Variants in FNDC8 observed in about 807,000 individuals in gnomAD.
FNDC8 encodes fibronectin type III domain-containing protein 8.
FNDC8 carries 23 observed loss-of-function variants against 24.8 expected under a neutral mutation model. The ratio of observed to expected loss-of-function variants is 0.93; its 90% CI spans 0.67 to 1.31. The LOEUF is 1.31. Among genes scored for constraint, FNDC8 ranks in the 40% most tolerant of loss-of-function variants. The pLI, the probability that FNDC8 is intolerant of heterozygous loss-of-function variation, is 0.00. For missense variants in FNDC8, 371 were observed against 398.2 expected (o/e 0.93, Z 0.58); for synonymous variants, 158 against 165.3 (o/e 0.96, Z 0.34).
chr17:35,127,454 A>T, intron 2 of FNDC8, 37 bp downstream of exon 2: 1 of 1,510,758 alleles, frequency 6.6e-7, no homozygotes, highest in Non-Finnish European at 8.8e-7. Flanking sequence ...GCAGAGGCTT[A>T]TTGTGCCAGG....
Position 35,127,180 on chromosome 17 carries a change from G to A in FNDC8, c.348G>A (p.Gly116=). ...NSSFFAGMLE[G]ELNKLSFSPM... Reference sequence around the variant, plus strand: ...GCTTCTTTGCAGGGATGCTGGAGGGGGAGCTGAACAAACTCAGCTTCTCCC... The same window carrying A: ...GCTTCTTTGCAGGGATGCTGGAGGGAGAGCTGAACAAACTCAGCTTCTCCC... The change falls in exon 2 of 4, where the codon GGG becomes GGA. Residue 116 remains glycine (G), a synonymous_variant. Coordinates refer to ENST00000158009, the MANE Select transcript of FNDC8 (RefSeq NM_017559.4). 6.2e-7 allele frequency: 1 copy of A among 1,614,162 alleles called. No homozygotes were observed. Among genetic ancestry groups the A allele is most frequent in the Non-Finnish European group, 8.5e-7 (1 of 1,180,026 alleles).
chr17:35,123,623 A>T (rs2091838575), intron 1 of FNDC8, among the ~76,000 whole-genome samples: 1 of 152,178 alleles, frequency 6.6e-6, no homozygotes, highest in Admixed American at 6.5e-5. Context: ...CTGTTGTCCC[A>T]GCTACTCAAG....
At chr17:35,125,058 A>G (rs1229958287) in intron 1 of FNDC8, among the ~76,000 whole-genome samples, 17 of 151,876 alleles carry the variant, frequency 1.1e-4, no homozygotes, top group Non-Finnish European at 1.8e-4. Context: ...AAAAAAAAAA[A>G]AAAAGAAAAA....
chr17:35,122,471 C>T (rs1245791426), intron 1 of FNDC8, among the ~76,000 whole-genome samples: 1 of 151,640 alleles, frequency 6.6e-6, no homozygotes, highest in African/African-American at 2.4e-5. Flanking sequence ...TTTATGTATT[C>T]CTGAGCCCCA....
rs778617059 is a variant in FNDC8, at chr17:35,129,504, ATG to A, written c.669_670del (p.Asn223LysfsTer28). ...CAGGAGGTGGCCAAGACACAGGAGA[ATG>A]AGTTGCCCGAGGCAAAGAATCGTCC... On this transcript the variant is annotated frameshift_variant, in exon 3 of 4. Coordinates refer to ENST00000158009, the MANE Select transcript of FNDC8 (RefSeq NM_017559.4). LOFTEE classifies it high-confidence loss of function. The A allele has an allele frequency of 1.3e-5, 21 of 1,614,080 alleles. No individual in the cohort carries two copies. Among genetic ancestry groups the A allele is most frequent in the Non-Finnish European group, 1.7e-5 (20 of 1,180,030 alleles).
rs183684897 is a variant in FNDC8, at chr17:35,122,321, C to T, written c.209+419C>T. On this transcript the variant is annotated intron_variant, in intron 1 of 3. Transcript: ENST00000158009. ...CCTCCCACAGTGTTGGGATTATAGG[C>T]TTGAGCCACCATGCCTATAGTTTCT... is the stretch of plus-strand genomic sequence containing the variant. 4.0e-5 allele frequency among the ~76,000 whole-genome samples: 6 copies of T among 150,070 alleles called. No homozygotes were observed. In the East Asian group the frequency reaches 9.9e-4, roughly 25 times the overall value.
chr17:35,128,429 G>A (rs557625073), intron 2 of FNDC8, among the ~76,000 whole-genome samples: 7 of 152,360 alleles, frequency 4.6e-5, no homozygotes, highest in African/African-American at 1.7e-4. Context: ...AAACCAGACA[G>A]GAGGCAGCAG....
chr17:35,127,565 C>A, intron 2 of FNDC8, 148 bp downstream of exon 2: 2 of 971,780 alleles, frequency 2.1e-6, no homozygotes, highest in East Asian at 2.6e-5. Flanking sequence ...TGTAAAAACT[C>A]CAGTGCAAGA....
In FNDC8 at chr17:35,121,742, C is replaced by A; in HGVS notation, c.49C>A (p.Leu17Met). 6.2e-7 allele frequency: 1 copy of A among 1,613,936 alleles called. No homozygotes were observed. Among genetic ancestry groups the A allele is most frequent in the Non-Finnish European group, 8.5e-7 (1 of 1,179,930 alleles). The change falls in exon 1 of 4, where the codon CTG becomes ATG. Residue 17 changes from leucine (L) to methionine (M), a missense_variant. By Grantham distance (15) the Leu-to-Met change is conservative. Transcript: ENST00000158009. ...AGTGGGAGATGGGGAGGAGGCTGTA[C>A]TGAAGAAAGAAAACTTCAACATGAT... ...HQVGDGEEAV[L>M]KKENFNMMNA...
chr17:35,122,992 C>T (rs1410395761), intron 1 of FNDC8, among the ~76,000 whole-genome samples: 1 of 152,016 alleles, frequency 6.6e-6, no homozygotes, highest in Non-Finnish European at 1.5e-5. Context: ...AAGGAGGCTT[C>T]TTGGAGGAAG....
Position 35,127,146 on chromosome 17 carries a change from C to G in FNDC8, c.314C>G (p.Pro105Arg), listed in dbSNP as rs773107887. 7.4e-6 allele frequency: 12 copies of G among 1,614,202 alleles called. No homozygotes were observed. The South Asian group carries it at 1.2e-4, about 16-fold the overall frequency. Residue 105 changes from proline to arginine, a missense_variant, in exon 2 of 4, where the codon CCC becomes CGC. By Grantham distance (103) the Pro-to-Arg change is moderately radical. Transcript: ENST00000158009. Reference protein sequence around the residue: ...LNPIKLAVTQPNSSFFAGMLE... With the variant: ...LNPIKLAVTQRNSSFFAGMLE... ...CCCATCAAATTAGCTGTGACCCAGC[C>G]CAACAGCAGCTTCTTTGCAGGGATG...
In FNDC8 at chr17:35,129,508, G is replaced by A. The variant is rs375536596; in HGVS notation, c.672G>A (p.Glu224=). Residue 224 remains glutamate (E), a synonymous_variant, in exon 3 of 4, where the codon GAG becomes GAA. Transcript: ENST00000158009. ...LQEVAKTQEN[E]LPEAKNRPWI... is the part of the protein sequence containing the mutation. ...AGGTGGCCAAGACACAGGAGAATGA[G>A]TTGCCCGAGGCAAAGAATCGTCCAT... 15 of 1,614,098 alleles carry A rather than the reference G, an allele frequency of 9.3e-6. No homozygotes were observed. Among genetic ancestry groups the A allele is most frequent in the Non-Finnish European group, 1.3e-5 (15 of 1,180,046 alleles).
Position 35,127,353 on chromosome 17 carries a change from T to C in FNDC8, c.521T>C (p.Val174Ala), listed in dbSNP as rs773064996. 6.2e-7 allele frequency: 1 copy of C among 1,604,812 alleles called. No individual in the cohort carries two copies. Among genetic ancestry groups the C allele is most frequent in the Admixed American group, 1.7e-5 (1 of 58,144 alleles). ...ETSSTHSESS[V>A]VVDLPDTPFI... ...TCCTCAACGCACTCAGAATCTTCTG[T>C]GGTTGTGGACCTGCCGGACACCCCC... Residue 174 changes from valine to alanine, a missense_variant, in exon 2 of 4, where the codon GTG becomes GCG. Physicochemically the swap from Val to Ala is moderately conservative, Grantham distance 64. Coordinates refer to ENST00000158009, the MANE Select transcript of FNDC8 (RefSeq NM_017559.4).
At chr17:35,126,497 CTT>C (rs71147459) in intron 1 of FNDC8, among the ~76,000 whole-genome samples, 33 of 112,012 alleles carry the variant, frequency 2.9e-4, no homozygotes, top group East Asian at 5.0e-4. Context: ...ATTTTCTAAG[CTT>C]TTTTTTTTTT....
chr17:35,122,208 A>ATATATATAT (rs1567738641), intron 1 of FNDC8, among the ~76,000 whole-genome samples: 21 of 9,154 alleles, frequency 2.3e-3, no homozygotes, highest in Non-Finnish European at 3.4e-3. Flanking sequence ...ATATATATAT[A>ATATATATAT]AATTTTTTTT....
intron 1 of FNDC8, 124 bp from the exon 2 acceptor site, chr17:35,126,918 G>T (rs781252371): frequency 2.0e-5 from 24 of 1,189,322 alleles, no homozygotes; most frequent in Non-Finnish European, 2.7e-5. Flanking sequence ...GAGCAATGAG[G>T]CTGTTCCAAG....
In FNDC8 at chr17:35,130,152, A is replaced by G. The variant is rs2142495956; in HGVS notation, c.823-130A>G. 5.5e-6 allele frequency: 8 copies of G among 1,459,118 alleles called. 2 individuals are homozygous for G. The South Asian group carries it at 5.8e-5, about 11-fold the overall frequency. The allele number at this position is 1,459,118 out of a possible 1,614,324, so 90.4% of individuals were successfully genotyped here. ...ATCTTTGCACCTGTTTCCTGCGTCA[A>G]TGGCTAGGTTGGATAAGGCTGTTTA... On this transcript the variant is annotated intron_variant, in intron 3 of 3. Transcript: ENST00000158009.
rs556429159 is a variant in FNDC8, at chr17:35,124,743, T to TA, written c.210-2292dup. Among the ~76,000 whole-genome samples, 32 of 151,874 alleles carry TA rather than the reference T, an allele frequency of 2.1e-4. No individual in the cohort carries two copies. In the South Asian group the frequency reaches 6.7e-3, roughly 32 times the overall value. Reference sequence around the variant, plus strand: ...TTTTGGCTTGGTGTTCTTCATCAGTTAAAAAAATATTGTTTTTTGTTTGGC... The same window carrying TA: ...TTTTGGCTTGGTGTTCTTCATCAGTTAAAAAAAATATTGTTTTTTGTTTGGC... On this transcript the variant is annotated intron_variant, in intron 1 of 3. Transcript: ENST00000158009.
chr17:35,122,191 T>A lies in FNDC8; in HGVS notation c.209+289T>A, dbSNP rs1326754630. On this transcript the variant is annotated intron_variant, in intron 1 of 3. Transcript: ENST00000158009. ...ATATATATATATATATATATATATA[T>A]ATATATATATATATATAAATTTTTT... Among the ~76,000 whole-genome samples the A allele has an allele frequency of 3.0e-3, 66 of 22,336 alleles. 2 individuals carry two copies. Among genetic ancestry groups the A allele is most frequent in the African/African-American group, 0.012 (52 of 4,210 alleles). The allele number at this position is 22,336 out of a possible 152,430, so 14.7% of individuals were successfully genotyped here. A position where few individuals can be genotyped will look rare whatever the true frequency, so the allele number is the denominator to read the frequency against.
Sources: allele counts gnomAD v4.1 joint callset (sites outside exome capture counted in the v4.1 genomes callset), GRCh38; gene constraint gnomAD v4.1.1; transcripts MANE v1.5; gene names NCBI Gene and HGNC (gene_info 2026-07-23, HGNC 2026-07-21).